LYZL4: variants seen among roughly 807,000 people sequenced by gnomAD.
The protein encoded by LYZL4 is lysozyme-like protein 4.
In LYZL4, 13 loss-of-function variants were observed where a neutral mutation model predicts 17.6. The observed-to-expected ratio is 0.74, with a 90% confidence interval of 0.48 to 1.18. The LOEUF (loss-of-function observed/expected upper bound fraction) is 1.18. Among genes scored for constraint, LYZL4 ranks in the 50% most tolerant of loss-of-function variants. LYZL4 has a pLI of 0.00. For missense variants in LYZL4, 174 were observed against 188.2 expected (o/e 0.92, Z 0.44); for synonymous variants, 64 against 67.7 (o/e 0.95, Z 0.27).
chr3:42,395,453 C>A (rs556558858), downstream of LYZL4, among the ~76,000 whole-genome samples: 4 of 152,182 alleles, frequency 2.6e-5, no homozygotes, highest in African/African-American at 9.6e-5. Flanking sequence ...AAGGAAGATA[C>A]AAAACTGTAT....
downstream of LYZL4, among the ~76,000 whole-genome samples, chr3:42,396,142 TACTC>T (rs1485651093): frequency 6.6e-6 from 1 of 152,136 alleles, no homozygotes. Flanking sequence ...TATACTGAAA[TACTC>T]ACTGGCACTA....
chr3:42,363,271 T>A, the LYZL4 span, among the ~76,000 whole-genome samples: 1 of 152,184 alleles, frequency 6.6e-6, no homozygotes, highest in Non-Finnish European at 1.5e-5. Context: ...TGGGGAACAG[T>A]TGGGGAAATT....
chr3:42,364,694 G>A, the LYZL4 span, among the ~76,000 whole-genome samples: 18 of 151,520 alleles, frequency 1.2e-4, no homozygotes, highest in East Asian at 1.2e-3. Flanking sequence ...GGCTGGTCTC[G>A]AACTCCTGGC....
At chr3:42,363,142 AT>A in the LYZL4 span, among the ~76,000 whole-genome samples, 1 of 152,224 alleles carries the variant, frequency 6.6e-6, no homozygotes, top group African/African-American at 2.4e-5. Flanking sequence ...TTGAAAATAA[AT>A]TCCATGGGAA....
At chr3:42,399,117 T>C (rs1285181786) in intron 4 of LYZL4, among the ~76,000 whole-genome samples, 4 of 152,190 alleles carry the variant, frequency 2.6e-5, no homozygotes, top group Non-Finnish European at 5.9e-5. Flanking sequence ...AATTTCAACA[T>C]GCAAAGCAAA....
chr3:42,407,427 C>A (rs1698779621), intron 1 of LYZL4, 84 bp from the exon 2 acceptor site: 2 of 757,706 alleles, frequency 2.6e-6, no homozygotes, highest in Non-Finnish European at 4.2e-6. Flanking sequence ...TTCTTCCCAT[C>A]CTAATTCTCT....
downstream of LYZL4, among the ~76,000 whole-genome samples, chr3:42,395,038 TTTAC>T (rs1027706974): frequency 6.6e-6 from 1 of 152,162 alleles, no homozygotes; most frequent in Admixed American, 6.5e-5. Context: ...TGCCAGTAAT[TTTAC>T]TGTATGATTC....
At chr3:42,362,001 T>C in the LYZL4 span, among the ~76,000 whole-genome samples, 4 of 152,324 alleles carry the variant, frequency 2.6e-5, no homozygotes, top group African/African-American at 9.6e-5. Context: ...CTAATGAGGA[T>C]CTTGGTGAGG....
At chr3:42,383,378 C>A in the LYZL4 span, among the ~76,000 whole-genome samples, 1 of 150,888 alleles carries the variant, frequency 6.6e-6, no homozygotes, top group East Asian at 2.0e-4. Context: ...AACTGTCCAG[C>A]CGGATGGCTC....
the LYZL4 span, among the ~76,000 whole-genome samples, chr3:42,366,657 G>A: frequency 1.3e-5 from 2 of 152,162 alleles, no homozygotes; most frequent in Non-Finnish European, 2.9e-5. Flanking sequence ...AGCAGGCTTT[G>A]TTCACACTTC....
chr3:42,383,023 T>C, the LYZL4 span, among the ~76,000 whole-genome samples: 1 of 152,042 alleles, frequency 6.6e-6, no homozygotes, highest in South Asian at 2.1e-4. Flanking sequence ...AGGCCCCAGC[T>C]TTCCTTTCCA....
the LYZL4 span, among the ~76,000 whole-genome samples, chr3:42,367,526 G>A: frequency 6.6e-6 from 1 of 152,176 alleles, no homozygotes; most frequent in Non-Finnish European, 1.5e-5. Context: ...GTTGGCTGGA[G>A]GGCATGAGAA....
At chr3:42,383,790 G>T in the LYZL4 span, among the ~76,000 whole-genome samples, 6 of 152,054 alleles carry the variant, frequency 3.9e-5, no homozygotes, top group African/African-American at 1.4e-4. Flanking sequence ...TGGAAGGTTT[G>T]AAAGAAGTCG....
chr3:42,396,880 C>T (rs577450578), downstream of LYZL4, among the ~76,000 whole-genome samples: 1 of 152,346 alleles, frequency 6.6e-6, no homozygotes, highest in East Asian at 1.9e-4. Context: ...GCCTCTCTTC[C>T]TCTCTTCTTT....
chr3:42,398,754 A>T (rs1346314825), intron 4 of LYZL4, among the ~76,000 whole-genome samples: 1 of 152,206 alleles, frequency 6.6e-6, no homozygotes, highest in Non-Finnish European at 1.5e-5. Context: ...GCACTGTTGT[A>T]ATACATGGCT....
the LYZL4 span, among the ~76,000 whole-genome samples, chr3:42,388,832 T>G: frequency 2.0e-5 from 3 of 152,166 alleles, no homozygotes; most frequent in Admixed American, 2.0e-4. Flanking sequence ...CAATAGATAA[T>G]AAAAACATTT....
the LYZL4 span, among the ~76,000 whole-genome samples, chr3:42,387,475 G>C: frequency 6.6e-6 from 1 of 152,160 alleles, no homozygotes. Flanking sequence ...GCGAAACACA[G>C]ATCTCACCCA....
At chr3:42,381,110 G>A in the LYZL4 span, among the ~76,000 whole-genome samples, 2 of 152,220 alleles carry the variant, frequency 1.3e-5, no homozygotes, top group Non-Finnish European at 2.9e-5. Context: ...ATTAGATCAG[G>A]TCACCTGCAG....
the LYZL4 span, among the ~76,000 whole-genome samples, chr3:42,388,924 C>T: frequency 6.6e-6 from 1 of 152,092 alleles, no homozygotes; most frequent in Non-Finnish European, 1.5e-5. Context: ...AGGGTGGCTG[C>T]GAGGCATTGG....
Sources: allele counts gnomAD v4.1 joint callset (sites outside exome capture counted in the v4.1 genomes callset), GRCh38; gene constraint gnomAD v4.1.1; transcripts MANE v1.5; gene names NCBI Gene and HGNC (gene_info 2026-07-23, HGNC 2026-07-21).